The following KALRN variants were observed in gnomAD, a reference collection of about 807,000 sequenced individuals.
The protein encoded by KALRN is kalirin.
KALRN carries 70 observed loss-of-function variants against 353.7 expected under a neutral mutation model. The ratio of observed to expected loss-of-function variants is 0.20; its 90% CI spans 0.16 to 0.24. The LOEUF is 0.24. KALRN is among the 10% of genes least tolerant of loss of function. The pLI, the probability that KALRN is intolerant of heterozygous loss-of-function variation, is 1.00. For synonymous variants in KALRN, 1,391 were observed against 1,434.8 expected (o/e 0.97, Z 0.69); for missense variants, 2,791 against 3,756.7 (o/e 0.74, Z 6.72).
At chr3:124,140,051 C>A (rs2066436141) in intron 1 of KALRN, among the ~76,000 whole-genome samples, 1 of 152,162 alleles carries the variant, frequency 6.6e-6, no homozygotes, top group Admixed American at 6.5e-5. Flanking sequence ...CTTGTGACTT[C>A]TTTTATCTGA....
At chr3:124,160,803 C>T (rs1193743586) in intron 1 of KALRN, among the ~76,000 whole-genome samples, 1 of 152,150 alleles carries the variant, frequency 6.6e-6, no homozygotes, top group Non-Finnish European at 1.5e-5. Context: ...AAGTCTGTCC[C>T]CTTCTTGGAT....
intron 3 of KALRN, among the ~76,000 whole-genome samples, chr3:124,249,969 A>T (rs13063693): frequency 0.29 from 43,676 of 152,054 alleles, 7,333 homozygotes; most frequent in Non-Finnish European, 0.37. Context: ...TGTGTGTCAG[A>T]GGGAAGGCAG....
At chr3:124,309,998 A>G (rs2078094653) in intron 6 of KALRN, among the ~76,000 whole-genome samples, 1 of 152,216 alleles carries the variant, frequency 6.6e-6, no homozygotes, top group Admixed American at 6.5e-5. Context: ...AGATGACACA[A>G]GCATGTATAT....
At chr3:124,403,133 C>G (rs148852023) in intron 13 of KALRN, among the ~76,000 whole-genome samples, 10 of 152,192 alleles carry the variant, frequency 6.6e-5, no homozygotes, top group Admixed American at 1.3e-4. Context: ...TACCTTCCCC[C>G]CTTCCCCGAG....
At chr3:124,515,728 G>A (rs913470990) in intron 33 of KALRN, among the ~76,000 whole-genome samples, 1 of 152,146 alleles carries the variant, frequency 6.6e-6, no homozygotes, top group Non-Finnish European at 1.5e-5. Flanking sequence ...AAATTTAATG[G>A]TCTCTTTTTC....
intron 51 of KALRN, among the ~76,000 whole-genome samples, chr3:124,690,765 T>C (rs547262002): frequency 6.6e-6 from 1 of 152,244 alleles, no homozygotes; most frequent in East Asian, 1.9e-4. Flanking sequence ...ATGAAGGAGT[T>C]TGTGAGTAGC....
chr3:124,386,773 G>A (rs2088401101), intron 11 of KALRN, among the ~76,000 whole-genome samples: 1 of 152,120 alleles, frequency 6.6e-6, no homozygotes. Flanking sequence ...GATTTACCAA[G>A]CCTAAGATTT....
chr3:124,672,874 C>T (rs2150384835), intron 48 of KALRN, among the ~76,000 whole-genome samples: 1 of 152,302 alleles, frequency 6.6e-6, no homozygotes, highest in Middle Eastern at 3.4e-3. Context: ...AATAGGAACA[C>T]TTACATTTTT....
chr3:124,321,725 C>T (rs370530743), intron 6 of KALRN, among the ~76,000 whole-genome samples: 61 of 152,172 alleles, frequency 4.0e-4, no homozygotes, highest in Middle Eastern at 3.4e-3. Flanking sequence ...TTTGAGTTAT[C>T]GAGATTTTGT....
intron 1 of KALRN, among the ~76,000 whole-genome samples, chr3:124,226,490 A>G (rs1310208694): frequency 6.6e-6 from 1 of 152,352 alleles, no homozygotes; most frequent in East Asian, 1.9e-4. Context: ...CGACTGATGA[A>G]TAAAAAGACT....
Position 124,496,294 on chromosome 3 carries a change from T to G in KALRN, c.4833-17T>G, listed in dbSNP as rs1007226799. ...CCCCCCACCCCCACCCCTGTTTTTT[T>G]TCTCTTCTTCCTGCAGGGATGGAGT... is the stretch of plus-strand genomic sequence containing the variant. On this transcript the variant is annotated splice_polypyrimidine_tract_variant and intron_variant, in intron 32 of 59. Transcript: ENST00000682506. 2 of 1,607,994 alleles carry G rather than the reference T, an allele frequency of 1.2e-6. No individual in the cohort carries two copies. Among genetic ancestry groups the G allele is most frequent in the African/African-American group, 2.7e-5 (2 of 74,616 alleles).
intron 34 of KALRN, among the ~76,000 whole-genome samples, chr3:124,605,089 G>A (rs1171692834): frequency 6.6e-6 from 1 of 151,930 alleles, no homozygotes; most frequent in Non-Finnish European, 1.5e-5. Flanking sequence ...CTTGAGCCCA[G>A]GAGGCGAAAG....
In KALRN at chr3:124,682,080, A is replaced by G. The variant is rs550883216; in HGVS notation, c.7377+2563A>G. Reference sequence around the variant, plus strand: ...GATATAGAAAGTTAAACTGATCAACATGAGTTGAGAATTTTCTCAAGGCAT... The same window carrying G: ...GATATAGAAAGTTAAACTGATCAACGTGAGTTGAGAATTTTCTCAAGGCAT... On this transcript the variant is annotated intron_variant, in intron 51 of 59. Coordinates refer to ENST00000682506, the MANE Select transcript of KALRN (RefSeq NM_001388419.1). Among the ~76,000 whole-genome samples, 67 of 152,334 alleles carry G rather than the reference A, an allele frequency of 4.4e-4. No homozygotes were observed. In the South Asian group the frequency reaches 0.013, roughly 30 times the overall value.
chr3:124,479,649 C>T (rs1385926045), intron 27 of KALRN, among the ~76,000 whole-genome samples: 1 of 151,842 alleles, frequency 6.6e-6, no homozygotes, highest in South Asian at 2.1e-4. Context: ...CACCTAATAT[C>T]CATTACTGTA....
At chr3:124,516,416 C>A (rs1302049388) in intron 33 of KALRN, among the ~76,000 whole-genome samples, 1 of 152,146 alleles carries the variant, frequency 6.6e-6, no homozygotes, top group Admixed American at 6.6e-5. Flanking sequence ...TGGTGCAGAT[C>A]ATGTGAAATG....
Position 124,385,076 on chromosome 3 carries a change from A to G in KALRN, c.1962+40A>G, listed in dbSNP as rs200663027. ...TGGAGAGAGGGCATTCTGTCCTGCC[A>G]GGGTCAGGTCGGCTTCCTAGTAAAA... is the stretch of plus-strand genomic sequence containing the variant. On this transcript the variant is annotated intron_variant, in intron 11 of 59. Transcript: ENST00000682506. 54 of 1,526,838 alleles carry G rather than the reference A, an allele frequency of 3.5e-5. No homozygotes were observed. In the Middle Eastern group the frequency reaches 1.6e-3, roughly 45 times the overall value. 94.6% of individuals were successfully genotyped at this position (1,526,838 alleles called of 1,614,324 possible). A position where few individuals can be genotyped will look rare whatever the true frequency, so the allele number is the denominator to read the frequency against.
chr3:124,245,117 C>T (rs1162948506), intron 3 of KALRN, among the ~76,000 whole-genome samples: 1 of 152,218 alleles, frequency 6.6e-6, no homozygotes, highest in East Asian at 1.9e-4. Flanking sequence ...TATTTTGTAC[C>T]TATTAATCAC....
In KALRN at chr3:124,474,562, T is replaced by C. The variant is rs1204037572; in HGVS notation, c.4032-101T>C. 6 of 870,588 alleles carry C rather than the reference T, an allele frequency of 6.9e-6. No homozygotes were observed. The East Asian group carries it at 1.5e-4, about 22-fold the overall frequency. 53.9% of individuals were successfully genotyped at this position (870,588 alleles called of 1,614,324 possible). A position where few individuals can be genotyped will look rare whatever the true frequency, so the allele number is the denominator to read the frequency against. On this transcript the variant is annotated intron_variant, in intron 25 of 59. Coordinates refer to ENST00000682506, the MANE Select transcript of KALRN (RefSeq NM_001388419.1). ...TCACTTAGACAGTAGAGAAGCCATG[T>C]ATAAATAATTGAGAAGTTATGGTTG...
chr3:124,625,021 G>C (rs1032104751), intron 34 of KALRN, among the ~76,000 whole-genome samples: 10 of 152,108 alleles, frequency 6.6e-5, no homozygotes, highest in African/African-American at 2.4e-4. Context: ...TGAATACACA[G>C]AAAAAAGTCA....
Sources: gnomAD v4.1 joint callset for allele counts (sites outside exome capture counted in the v4.1 genomes callset) on GRCh38, gnomAD v4.1.1 for gene constraint, MANE v1.5 for transcripts, NCBI Gene and HGNC (gene_info 2026-07-23, HGNC 2026-07-21) for gene names.